The following CRPPA variants were observed in gnomAD, a reference collection of about 807,000 sequenced individuals.
CRPPA encodes the protein D-ribitol-5-phosphate cytidylyltransferase.
A neutral mutation model predicts 52.0 loss-of-function variants in CRPPA; 43 were observed. That is an observed-to-expected ratio of 0.83 (90% CI 0.65 to 1.07). The LOEUF is 1.07. Among genes scored for constraint, CRPPA ranks in the 50% least tolerant of loss-of-function variants. CRPPA has a pLI of 0.00. For synonymous variants in CRPPA, 250 were observed against 203.5 expected (o/e 1.23, Z -1.94); for missense variants, 629 against 551.7 (o/e 1.14, Z -1.40).
chr7:16,378,851 C>G (rs972174955), intron 2 of CRPPA, among the ~76,000 whole-genome samples: 7 of 152,294 alleles, frequency 4.6e-5, no homozygotes, highest in African/African-American at 1.7e-4. Context: ...TTGCATTTCT[C>G]TGATGGCCAG....
intron 9 of CRPPA, among the ~76,000 whole-genome samples, chr7:16,092,769 T>C (rs2128361363): frequency 6.6e-6 from 1 of 152,324 alleles, no homozygotes; most frequent in Middle Eastern, 3.4e-3. Flanking sequence ...AACCTCAGGA[T>C]AAAGTCTGAT....
intron 9 of CRPPA, among the ~76,000 whole-genome samples, chr7:16,149,206 C>G (rs375918206): frequency 6.6e-6 from 1 of 152,138 alleles, no homozygotes; most frequent in East Asian, 1.9e-4. Flanking sequence ...ACTGGGTTGA[C>G]TCAGATTCTA....
intron 5 of CRPPA, among the ~76,000 whole-genome samples, chr7:16,283,451 C>A (rs1178246381): frequency 6.7e-6 from 1 of 149,634 alleles, no homozygotes; most frequent in Admixed American, 6.7e-5. Flanking sequence ...ATATATGACA[C>A]TATAAAGATG....
rs560960474 is a variant in CRPPA at position 16,117,135 on chromosome 7, G to T, written c.1252-25336C>A. Among the ~76,000 whole-genome samples, 3 of 152,264 alleles carry T rather than the reference G, an allele frequency of 2.0e-5. No individual in the cohort carries two copies. The East Asian group carries it at 5.8e-4, about 29-fold the overall frequency. Reference sequence around the variant, plus strand: ...AAAGATGTCAACTTGGAAAATGATGGATTTTAAAATGGGTTAACCATTAAG... The same window carrying T: ...AAAGATGTCAACTTGGAAAATGATGTATTTTAAAATGGGTTAACCATTAAG... On this transcript the variant is annotated intron_variant, in intron 9 of 9. Coordinates refer to ENST00000407010, the MANE Select transcript of CRPPA (RefSeq NM_001101426.4).
At position 16,268,359 on chromosome 7, in the gene CRPPA, AAT is replaced by A. The variant is rs774259761; in HGVS notation, c.934-9349_934-9348del. 9.9e-4 allele frequency among the ~76,000 whole-genome samples: 150 copies of A among 152,244 alleles called. 1 individual carries two copies. The highest frequency in any genetic ancestry group is 1.8e-3 in the Non-Finnish European group (122 of 67,994). On this transcript the variant is annotated intron_variant, in intron 6 of 9. Transcript: ENST00000407010. The stretch of plus-strand genomic sequence containing the variant: ...ACATGTAATCCCAAGAAAATCATGC[AAT>A]AGTCTTTTAAAGAATATTCAGACAC...
intron 9 of CRPPA, among the ~76,000 whole-genome samples, chr7:16,168,824 T>C (rs1781120015): frequency 6.6e-6 from 1 of 152,182 alleles, no homozygotes; most frequent in Admixed American, 6.5e-5. Context: ...TGGCTTTATT[T>C]ACACAAGCAT....
chr7:16,211,320 A>G (rs1324271535), intron 9 of CRPPA, among the ~76,000 whole-genome samples: 1 of 152,210 alleles, frequency 6.6e-6, no homozygotes, highest in Non-Finnish European at 1.5e-5. Flanking sequence ...AGTCTAAACA[A>G]TAAAAGTCAA....
chr7:16,320,842 G>A (rs957241754), intron 3 of CRPPA, among the ~76,000 whole-genome samples: 1 of 152,108 alleles, frequency 6.6e-6, no homozygotes. Flanking sequence ...AAGCAGCTTT[G>A]TTCTCATATC....
At chr7:16,167,675 A>G (rs182073465) in intron 9 of CRPPA, among the ~76,000 whole-genome samples, 5 of 152,336 alleles carry the variant, frequency 3.3e-5, no homozygotes, top group South Asian at 2.1e-4. Context: ...GACACCTTGG[A>G]AAAAAACCAA....
chr7:16,175,496 G>T (rs1781275608), intron 9 of CRPPA, among the ~76,000 whole-genome samples: 1 of 152,050 alleles, frequency 6.6e-6, no homozygotes, highest in African/African-American at 2.4e-5. Context: ...AGTTAAAAAT[G>T]CCAGATGCAC....
intron 9 of CRPPA, among the ~76,000 whole-genome samples, chr7:16,189,094 T>TA (rs1051261727): frequency 6.3e-4 from 96 of 152,044 alleles, no homozygotes; most frequent in African/African-American, 2.3e-3. Flanking sequence ...AAACACACAT[T>TA]AAAAAAAACC....
At chr7:16,269,653 C>T (rs577405332) in intron 6 of CRPPA, 35 of 152,026 alleles carry the variant, frequency 2.3e-4, no homozygotes, top group Non-Finnish European at 4.4e-4. Context: ...CAAGATAACA[C>T]GATAATGTAC....
chr7:16,278,839 T>G (rs749644038), intron 5 of CRPPA, among the ~76,000 whole-genome samples: 4 of 152,228 alleles, frequency 2.6e-5, no homozygotes, highest in Non-Finnish European at 5.9e-5. Flanking sequence ...GATAGTCACC[T>G]CTGGAAACCC....
chr7:16,354,908 A>G (rs1026531815), intron 3 of CRPPA, among the ~76,000 whole-genome samples: 1 of 152,180 alleles, frequency 6.6e-6, no homozygotes, highest in Non-Finnish European at 1.5e-5. Flanking sequence ...GCAAAGTTAA[A>G]CCAGAAAGAT....
chr7:16,301,032 C>A (rs887883022), intron 5 of CRPPA, among the ~76,000 whole-genome samples: 12 of 152,164 alleles, frequency 7.9e-5, no homozygotes, highest in African/African-American at 2.9e-4. Flanking sequence ...CAATGTTTCT[C>A]ACATGGAAGA....
chr7:16,263,013 C>T (rs1783852129), intron 6 of CRPPA, among the ~76,000 whole-genome samples: 1 of 152,112 alleles, frequency 6.6e-6, no homozygotes, highest in Admixed American at 6.6e-5. Flanking sequence ...CTGGCTGTCA[C>T]TACTATTTTT....
chr7:16,130,839 T>C (rs966722838), intron 9 of CRPPA, among the ~76,000 whole-genome samples: 1 of 152,154 alleles, frequency 6.6e-6, no homozygotes, highest in African/African-American at 2.4e-5. Context: ...GAGATGGTTT[T>C]TGGAGGTAAG....
intron 9 of CRPPA, among the ~76,000 whole-genome samples, chr7:16,202,247 T>A (rs1033550947): frequency 1.3e-5 from 2 of 152,194 alleles, no homozygotes; most frequent in African/African-American, 4.8e-5. Context: ...TATTAACTTT[T>A]ACCGCTATAA....
intron 3 of CRPPA, among the ~76,000 whole-genome samples, chr7:16,371,120 T>C (rs1389977275): frequency 6.6e-6 from 1 of 152,086 alleles, no homozygotes; most frequent in Non-Finnish European, 1.5e-5. Context: ...CTTCAGCATG[T>C]CTAATTGAGA....
Sources: allele counts gnomAD v4.1 joint callset (sites outside exome capture counted in the v4.1 genomes callset), GRCh38; gene constraint gnomAD v4.1.1; transcripts MANE v1.5; gene names NCBI Gene and HGNC (gene_info 2026-07-23, HGNC 2026-07-21).